SLC22A25: variants seen among roughly 807,000 people sequenced by gnomAD.
SLC22A25 encodes solute carrier family 22 member 25, also known as MGI:2442751, MGI:2385316, MGI:3042283, MGI:3645714, MGI:3605624, MGI:2442750.
Under a neutral mutation model 45.9 loss-of-function variants are expected in SLC22A25, and 44 were observed. The ratio of observed to expected loss-of-function variants is 0.96; its 90% CI spans 0.75 to 1.23. SLC22A25 has a LOEUF of 1.23. Among genes scored for constraint, SLC22A25 ranks in the 50% most tolerant of loss-of-function variants. The pLI is 0.00. For missense variants in SLC22A25, 800 were observed against 666.4 expected (o/e 1.20, Z -2.21); for synonymous variants, 283 against 238.6 (o/e 1.19, Z -1.72).
Position 63,203,100 on chromosome 11 carries a change from G to A in SLC22A25, c.830+14214C>T, listed in dbSNP as rs367918707. The stretch of plus-strand genomic sequence containing the variant: ...TAGAAGTCAAACTAACAAACAGAAA[G>A]GAATAGCATCAACATCAACAAAAAG... On this transcript the variant is annotated intron_variant, in intron 7 of 11. Coordinates refer to ENST00000306494, the MANE Select transcript of SLC22A25 (RefSeq NM_199352.6). Among the ~76,000 whole-genome samples the A allele has an allele frequency of 4.2e-3, 634 of 152,202 alleles. 6 individuals carry two copies. The highest frequency in any genetic ancestry group is 0.014 in the African/African-American group (577 of 41,516).
chr11:63,231,013 G>T (rs1294786468), intron 3 of SLC22A25, among the ~76,000 whole-genome samples: 2 of 152,166 alleles, frequency 1.3e-5, no homozygotes, highest in East Asian at 3.8e-4. Context: ...GTATTCCATG[G>T]TGTATATGTG....
chr11:63,192,891 T>C (rs2317090), intron 7 of SLC22A25, among the ~76,000 whole-genome samples: 73,718 of 151,868 alleles, frequency 0.49, 18,353 homozygotes, highest in African/African-American at 0.58. Context: ...GAGTGGGAGA[T>C]TTTAACACTC....
Position 63,224,441 on chromosome 11 carries a change from T to G in SLC22A25, c.506+4020A>C, listed in dbSNP as rs111695876. ...CATTTACATTCAATAATATTATTGATAAGTAAGGACTTACTCCTGCCATTG... is the reference window on the plus strand; with the variant it reads ...CATTTACATTCAATAATATTATTGAGAAGTAAGGACTTACTCCTGCCATTG... On this transcript the variant is annotated intron_variant, in intron 5 of 11. Coordinates refer to ENST00000306494, the MANE Select transcript of SLC22A25 (RefSeq NM_199352.6). 8.8e-3 allele frequency among the ~76,000 whole-genome samples: 1,345 copies of G among 152,288 alleles called. 9 individuals carry two copies. The highest frequency in any genetic ancestry group is 0.019 in the African/African-American group (774 of 41,576).
chr11:63,172,587 A>G (rs964521662), intron 9 of SLC22A25, among the ~76,000 whole-genome samples: 3 of 152,094 alleles, frequency 2.0e-5, no homozygotes, highest in East Asian at 1.9e-4. Context: ...CCACATCGAG[A>G]TACCATCTCA....
intron 7 of SLC22A25, among the ~76,000 whole-genome samples, chr11:63,214,129 T>C (rs905427588): frequency 3.3e-5 from 5 of 152,190 alleles, no homozygotes; most frequent in Admixed American, 6.6e-5. Flanking sequence ...GGAGGATGGT[T>C]CTTAGCTTTT....
chr11:63,194,889 GCAAAAAAAAAAAA>G (rs2088952633), intron 7 of SLC22A25, among the ~76,000 whole-genome samples: 1 of 14,288 alleles, frequency 7.0e-5, no homozygotes, highest in Non-Finnish European at 1.4e-4. Flanking sequence ...CAAATGGAAA[GCAAAAAAAAAAAA>G]AAAAAAAAAA....
At chr11:63,197,657 G>A (rs191266087) in intron 7 of SLC22A25, among the ~76,000 whole-genome samples, 5 of 152,318 alleles carry the variant, frequency 3.3e-5, no homozygotes, top group Non-Finnish European at 7.3e-5. Flanking sequence ...TCAGGACCTA[G>A]GCATGGGCAA....
chr11:63,166,098 G>A lies in SLC22A25; in HGVS notation c.1231C>T (p.Leu411Phe). Residue 411 changes from leucine to phenylalanine, a missense_variant, in exon 10 of 12, where the codon CTT (leucine) becomes TTT (phenylalanine). Coordinates refer to ENST00000306494, the MANE Select transcript of SLC22A25 (RefSeq NM_199352.6). ...NHMSRRLSQM[L>F]LMFLLATCLL... is the part of the protein sequence containing the mutation. ...CAGGTTGCCAGTAGGAACATGAGAA[G>A]CATCTGGCTTAGTCGACGGCTCATG... 6.2e-7 allele frequency: 1 copy of A among 1,614,012 alleles called. No individual in the cohort carries two copies. Among genetic ancestry groups the A allele is most frequent in the Non-Finnish European group, 8.5e-7 (1 of 1,179,940 alleles).
chr11:63,224,169 T>C (rs2089909628), intron 5 of SLC22A25, among the ~76,000 whole-genome samples: 1 of 152,156 alleles, frequency 6.6e-6, no homozygotes, highest in Non-Finnish European at 1.5e-5. Context: ...AATTTTTATA[T>C]CCTCTTGCTG....
chr11:63,229,334 T>G lies in SLC22A25; in HGVS notation c.319A>C (p.Asn107His), dbSNP rs2090024722. 5 of 1,613,216 alleles carry G rather than the reference T, an allele frequency of 3.1e-6. No individual in the cohort carries two copies. The highest frequency in any genetic ancestry group is 4.2e-6 in the Non-Finnish European group (5 of 1,179,516). Residue 107 changes from asparagine to histidine, a missense_variant, in exon 4 of 12, where the codon AAC becomes CAC. Transcript: ENST00000306494. The stretch of plus-strand genomic sequence containing the variant: ...GGCTCTGTATCTGGCTCACTCGTGT[T>G]GGGGAAGGTCCCATTCAGATGAATG... ...KLIHLNGTFP[N>H]TSEPDTEPCV...
intron 7 of SLC22A25, among the ~76,000 whole-genome samples, chr11:63,207,142 G>A (rs1034098807): frequency 1.3e-5 from 2 of 152,148 alleles, no homozygotes; most frequent in Admixed American, 6.5e-5. Flanking sequence ...AGACTTAAAT[G>A]TAAGACCTAA....
chr11:63,229,937 A>G lies in SLC22A25; in HGVS notation c.-285T>C, dbSNP rs1285887722. 1.3e-5 allele frequency among the ~76,000 whole-genome samples: 2 copies of G among 152,188 alleles called. No homozygotes were observed. The highest frequency in any genetic ancestry group is 2.1e-4 in the South Asian group (1 of 4,826). On this transcript the variant is annotated 5_prime_UTR_variant, in exon 4 of 12. An upstream start codon of the reference 5' UTR is lost. Coordinates refer to ENST00000306494, the MANE Select transcript of SLC22A25 (RefSeq NM_199352.6). ...AATGAAATGTGTTTAAACATTAGAC[A>G]TCTACTTATTGATGTCTTTAGTAGC...
intron 9 of SLC22A25, among the ~76,000 whole-genome samples, chr11:63,172,304 TTAAAC>T (rs2134717366): frequency 6.6e-6 from 1 of 152,220 alleles, no homozygotes; most frequent in Admixed American, 6.5e-5. Context: ...TGGGATCTAA[TTAAAC>T]TAAAGAGCTT....
intron 8 of SLC22A25, among the ~76,000 whole-genome samples, chr11:63,181,348 C>A (rs936114026): frequency 2.6e-5 from 4 of 151,060 alleles, no homozygotes; most frequent in African/African-American, 7.3e-5. Flanking sequence ...CCCATTAACT[C>A]GTCATTTAGC....
intron 8 of SLC22A25, among the ~76,000 whole-genome samples, chr11:63,182,098 G>A (rs2088347681): frequency 6.6e-6 from 1 of 151,958 alleles, no homozygotes; most frequent in South Asian, 2.1e-4. Flanking sequence ...GTTGAAACAG[G>A]AATAAGACCA....
At chr11:63,233,103 G>A (rs1282745840) in intron 3 of SLC22A25, among the ~76,000 whole-genome samples, 3 of 152,064 alleles carry the variant, frequency 2.0e-5, no homozygotes, top group African/African-American at 7.2e-5. Flanking sequence ...CTCTTTTTCT[G>A]TTGTGTCTCT....
chr11:63,187,453 A>G (rs889059897), intron 7 of SLC22A25, among the ~76,000 whole-genome samples: 13 of 152,072 alleles, frequency 8.5e-5, no homozygotes, highest in Non-Finnish European at 1.3e-4. Flanking sequence ...GGGCTGAGAC[A>G]ATGGGGTTTT....
chr11:63,180,376 A>C (rs2088274328), intron 9 of SLC22A25, among the ~76,000 whole-genome samples: 1 of 152,170 alleles, frequency 6.6e-6, no homozygotes, highest in Non-Finnish European at 1.5e-5. Context: ...ATGGAAACAA[A>C]TGAAGAAACT....
chr11:63,204,549 C>A (rs951123388), intron 7 of SLC22A25, among the ~76,000 whole-genome samples: 13 of 151,998 alleles, frequency 8.6e-5, no homozygotes, highest in South Asian at 4.2e-4. Context: ...CAAAAAAGAT[C>A]AAAAAAGTCA....
Sources: allele counts gnomAD v4.1 joint callset (sites outside exome capture counted in the v4.1 genomes callset), GRCh38; gene constraint gnomAD v4.1.1; transcripts MANE v1.5; gene names NCBI Gene and HGNC (gene_info 2026-07-23, HGNC 2026-07-21).